EML6: variants seen among roughly 807,000 people sequenced by gnomAD.
EML6 encodes the protein echinoderm microtubule-associated protein-like 6.
A neutral mutation model predicts 240.1 loss-of-function variants in EML6; 154 were observed. The ratio of observed to expected loss-of-function variants is 0.64; its 90% CI spans 0.56 to 0.73. EML6 has a LOEUF of 0.73. Among genes scored for constraint, EML6 ranks in the 30% least tolerant of loss-of-function variants. The probability of loss-of-function intolerance (pLI) is 0.00; values close to 1 mark genes in which losing one functional copy is unlikely to be tolerated. For synonymous variants in EML6, 1,148 were observed against 899.0 expected (o/e 1.28, Z -4.95); for missense variants, 2,964 against 2,474.6 (o/e 1.20, Z -4.20).
chr2:54,786,307 A>T (rs1669085965), intron 2 of EML6, among the ~76,000 whole-genome samples: 1 of 152,146 alleles, frequency 6.6e-6, no homozygotes, highest in Admixed American at 6.6e-5. Flanking sequence ...TAAACACCTT[A>T]GGGTAGCAGA....
intron 38 of EML6, 64 bp from the exon 39 acceptor site, chr2:54,966,927 GAAACTGTGC>G: frequency 1.0e-6 from 1 of 971,524 alleles, no homozygotes; most frequent in Non-Finnish European, 1.6e-6. Flanking sequence ...AGTGTTCTGG[GAAACTGTGC>G]CCAAAGGGAG....
chr2:54,795,066 G>T (rs1045253430), intron 2 of EML6, among the ~76,000 whole-genome samples: 1 of 152,056 alleles, frequency 6.6e-6, no homozygotes, highest in African/African-American at 2.4e-5. Context: ...TTGTTTGTTT[G>T]TTTTTCTAGA....
At chr2:54,755,032 A>C (rs1265631882) in intron 2 of EML6, among the ~76,000 whole-genome samples, 7 of 152,240 alleles carry the variant, frequency 4.6e-5, no homozygotes, top group Admixed American at 4.6e-4. Flanking sequence ...TTTACCTTTA[A>C]AATTTAGGTC....
At chr2:54,860,616 G>C (rs1670623362) in intron 12 of EML6, among the ~76,000 whole-genome samples, 1 of 152,150 alleles carries the variant, frequency 6.6e-6, no homozygotes, top group South Asian at 2.1e-4. Flanking sequence ...CACACATTGA[G>C]CTCCCCAACT....
chr2:54,899,044 A>G (rs900272436), intron 21 of EML6, among the ~76,000 whole-genome samples: 21 of 152,326 alleles, frequency 1.4e-4, no homozygotes, highest in African/African-American at 4.8e-4. Context: ...GGACAGACCA[A>G]TTTGTGAACA....
chr2:54,922,962 A>C (rs1315885463), intron 26 of EML6, among the ~76,000 whole-genome samples: 1 of 72,724 alleles, frequency 1.4e-5, no homozygotes, highest in Non-Finnish European at 2.7e-5. Context: ...TTTTTTTGAG[A>C]GGGAGTTTTG....
At chr2:54,788,485 G>T (rs1323070096) in intron 2 of EML6, among the ~76,000 whole-genome samples, 1 of 152,140 alleles carries the variant, frequency 6.6e-6, no homozygotes, top group South Asian at 2.1e-4. Flanking sequence ...GGGAAAAGAG[G>T]TATTCTGTGA....
rs1674679180 is a variant in EML6 at position 54,928,496 on chromosome 2, G to A, written c.3859G>A (p.Asp1287Asn). 4.5e-6 allele frequency: 7 copies of A among 1,545,456 alleles called. No individual in the cohort carries two copies. Among genetic ancestry groups the A allele is most frequent in the East Asian group, 4.9e-5 (2 of 40,860 alleles). ...GGTGGACAGCGAGGAGTCAGACACC[G>A]ACGTGGAAGAGGATGGAGGTGAGCC... ...KLVDSEESDT[D>N]VEEDGGYDSD... Residue 1287 changes from aspartate (D) to asparagine (N), a missense_variant, in exon 27 of 42, where the codon GAC becomes AAC. By Grantham distance (23) the Asp-to-Asn change is conservative. Coordinates refer to ENST00000356458, the MANE Select transcript of EML6 (RefSeq NM_001039753.4).
chr2:54,929,137 G>A (rs1674720813), intron 28 of EML6, among the ~76,000 whole-genome samples: 1 of 152,172 alleles, frequency 6.6e-6, no homozygotes, highest in African/African-American at 2.4e-5. Context: ...ATGGAGGAAT[G>A]GCTGCAGAGT....
Position 54,950,752 on chromosome 2 carries a change from G to T in EML6, c.4186G>T (p.Ala1396Ser), listed in dbSNP as rs1558718901. The part of the protein sequence containing the change: ...GADIIFHTAA[A>S]GIVQNLSTGS... ...TGACATCATCTTCCACACAGCAGCG[G>T]CTGGCATCGTTCAGAACCTCTCCAC... The change falls in exon 30 of 42, where the codon GCT becomes TCT. Residue 1396 changes from alanine to serine, a missense_variant. Transcript: ENST00000356458. 1 of 1,551,566 alleles carries T rather than the reference G, an allele frequency of 6.4e-7. No individual in the cohort carries two copies. The highest frequency in any genetic ancestry group is 1.2e-5 in the South Asian group (1 of 84,054).
At chr2:54,819,259 G>A (rs1043259519) in intron 4 of EML6, among the ~76,000 whole-genome samples, 9 of 152,128 alleles carry the variant, frequency 5.9e-5, no homozygotes, top group African/African-American at 1.4e-4. Context: ...CATGGAATGC[G>A]TTCCATGGAT....
In EML6 at chr2:54,952,638, C is replaced by G; in HGVS notation, c.4258C>G (p.Leu1420Val). ...GGAGCACACAGATGACATCCTCTGT[C>G]TCACAGTGAACCAGCACCCCAAGTA... ...YLEHTDDILC[L>V]TVNQHPKYRN... The change falls in exon 31 of 42, where the codon CTC becomes GTC. Residue 1420 changes from leucine (L) to valine (V), a missense_variant. Transcript: ENST00000356458. The G allele has an allele frequency of 1.3e-6, 2 of 1,551,466 alleles. No homozygotes were observed. The highest frequency in any genetic ancestry group is 1.7e-6 in the Non-Finnish European group (2 of 1,146,940).
chr2:54,845,095 G>A (rs1038789763), intron 8 of EML6, among the ~76,000 whole-genome samples: 5 of 152,168 alleles, frequency 3.3e-5, no homozygotes, highest in African/African-American at 1.2e-4. Flanking sequence ...AAGCTCACTA[G>A]TTCCCACCTC....
At chr2:54,832,002 TG>T (rs1668892341) in intron 7 of EML6, among the ~76,000 whole-genome samples, 1 of 152,228 alleles carries the variant, frequency 6.6e-6, no homozygotes, top group African/African-American at 2.4e-5. Context: ...TTTAATATGC[TG>T]GGGTTTAATT....
chr2:54,930,421 T>C (rs1674791055), intron 28 of EML6, among the ~76,000 whole-genome samples: 2 of 152,196 alleles, frequency 1.3e-5, no homozygotes, highest in Non-Finnish European at 2.9e-5. Context: ...TAAGAATTTT[T>C]CATTTTAAAA....
At chr2:54,863,313 TA>T (rs1191308862) in intron 12 of EML6, among the ~76,000 whole-genome samples, 1 of 152,182 alleles carries the variant, frequency 6.6e-6, no homozygotes, top group Non-Finnish European at 1.5e-5. Context: ...TAGAAATGTG[TA>T]AATGACCAAC....
chr2:54,906,580 G>A (rs1056256610), intron 24 of EML6, among the ~76,000 whole-genome samples: 1 of 152,226 alleles, frequency 6.6e-6, no homozygotes, highest in South Asian at 2.1e-4. Flanking sequence ...AAGCCACCAT[G>A]CTTCTCATTG....
chr2:54,892,663 C>T lies in EML6; in HGVS notation c.2742+7C>T, dbSNP rs1573086167. 1.3e-6 allele frequency: 2 copies of T among 1,546,344 alleles called. No individual in the cohort carries two copies. Among genetic ancestry groups the T allele is most frequent in the African/African-American group, 1.4e-5 (1 of 72,778 alleles). ...TATGTATGCACTGGATAAGGTATGG[C>T]CTGTGTATCAGCATTCATTTTCCTC... On this transcript the variant is annotated splice_region_variant and intron_variant, in intron 19 of 41. Coordinates refer to ENST00000356458, the MANE Select transcript of EML6 (RefSeq NM_001039753.4).
At chr2:54,901,585 C>T (rs1056044973) in intron 22 of EML6, among the ~76,000 whole-genome samples, 4 of 152,202 alleles carry the variant, frequency 2.6e-5, no homozygotes, top group African/African-American at 4.8e-5. Flanking sequence ...TTATTAATAG[C>T]TTTCCTTTTC....
Sources: gnomAD v4.1 joint callset for allele counts (sites outside exome capture counted in the v4.1 genomes callset) on GRCh38, gnomAD v4.1.1 for gene constraint, MANE v1.5 for transcripts, NCBI Gene and HGNC (gene_info 2026-07-23, HGNC 2026-07-21) for gene names.